The following UGT2B11 variants were observed in gnomAD, a reference collection of about 807,000 sequenced individuals.
UGT2B11 encodes the protein UDP-glucuronosyltransferase 2B11.
Under a neutral mutation model 51.7 loss-of-function variants are expected in UGT2B11, and 49 were observed. That is an observed-to-expected ratio of 0.95 (90% CI 0.75 to 1.20). The LOEUF is 1.20. Ranked by LOEUF, UGT2B11 falls within the 50% of genes most tolerant of loss-of-function variation. The probability of loss-of-function intolerance (pLI) is 0.00; values close to 1 mark genes in which losing one functional copy is unlikely to be tolerated. For missense variants in UGT2B11, 810 were observed against 622.1 expected (o/e 1.30, Z -3.21); for synonymous variants, 273 against 209.0 (o/e 1.31, Z -2.64).
At chr4:69,204,787 A>T (rs1342990824) in intron 4 of UGT2B11, 138 bp from the exon 5 acceptor site, 5 of 1,361,686 alleles carry the variant, frequency 3.7e-6, no homozygotes. Flanking sequence ...CAGATGAAAA[A>T]GCACGTACTT....
chr4:69,205,011 G>C (rs1282178316), intron 4 of UGT2B11, among the ~76,000 whole-genome samples: 1 of 151,674 alleles, frequency 6.6e-6, no homozygotes, highest in African/African-American at 2.4e-5. Context: ...CAGGCAGTGG[G>C]TTGGTGGTGG....
At chr4:69,209,318 A>G (rs1370545371) in intron 2 of UGT2B11, among the ~76,000 whole-genome samples, 1 of 151,692 alleles carries the variant, frequency 6.6e-6, no homozygotes, top group Non-Finnish European at 1.5e-5. Flanking sequence ...AACTCTCATC[A>G]TCACTTTGTT....
intron 3 of UGT2B11, among the ~76,000 whole-genome samples, chr4:69,208,099 G>A (rs920491846): frequency 2.6e-5 from 4 of 151,504 alleles, no homozygotes; most frequent in African/African-American, 7.3e-5. Context: ...TACCTACGGA[G>A]TACTGAGTTC....
At chr4:69,221,208 G>C in the UGT2B11 span, among the ~76,000 whole-genome samples, 5 of 152,224 alleles carry the variant, frequency 3.3e-5, no homozygotes, top group Admixed American at 6.5e-5. Context: ...ATGCCTTAAG[G>C]TAGACAGGTG....
At chr4:69,213,938 A>T (rs921355871) in intron 1 of UGT2B11, 64 bp downstream of exon 1, 36 of 1,487,420 alleles carry the variant, frequency 2.4e-5, no homozygotes, top group Middle Eastern at 1.8e-4. Flanking sequence ...TGGCTTTATA[A>T]AAGCTCTGCT....
At chr4:69,202,848 A>T (rs942052672) in intron 5 of UGT2B11, among the ~76,000 whole-genome samples, 3 of 151,594 alleles carry the variant, frequency 2.0e-5, no homozygotes, top group African/African-American at 7.3e-5. Context: ...ATCATTCGTT[A>T]TCCTTCCATT....
At position 69,204,252 on chromosome 4, in the gene UGT2B11, G is replaced by A. The variant is rs1721765191; in HGVS notation, c.1310+178C>T. 6.9e-6 allele frequency: 7 copies of A among 1,008,778 alleles called. No homozygotes were observed. In the South Asian group the frequency reaches 1.4e-4, roughly 21 times the overall value. The allele number at this position is 1,008,778 out of a possible 1,614,324, so 62.5% of individuals were successfully genotyped here. Reference sequence around the variant, plus strand: ...CTAACTGGTTACTCATTAGATGTATGGGATTCAAACACAATTTTTAAATAA... The same window carrying A: ...CTAACTGGTTACTCATTAGATGTATAGGATTCAAACACAATTTTTAAATAA... On this transcript the variant is annotated intron_variant, in intron 5 of 5. Transcript: ENST00000446444.
Position 69,206,573 on chromosome 4 carries a change from T to C in UGT2B11, c.1003-1006A>G, listed in dbSNP as rs572148750. On this transcript the variant is annotated intron_variant, in intron 3 of 5. Transcript: ENST00000446444. ...ACACAATCAGTACAACAAACCCCCA[T>C]GACACAAGTTTACCTATGTAAAAAA... Among the ~76,000 whole-genome samples, 10 of 151,398 alleles carry C rather than the reference T, an allele frequency of 6.6e-5. No homozygotes were observed. The East Asian group carries it at 9.8e-4, about 15-fold the overall frequency.
At chr4:69,213,035 G>T (rs1162303355) in intron 1 of UGT2B11, among the ~76,000 whole-genome samples, 1 of 151,190 alleles carries the variant, frequency 6.6e-6, no homozygotes, top group Non-Finnish European at 1.5e-5. Flanking sequence ...AGCTTCAATA[G>T]TTGCATATAG....
intron 2 of UGT2B11, among the ~76,000 whole-genome samples, chr4:69,209,790 C>T (rs571908311): frequency 6.6e-6 from 1 of 151,544 alleles, no homozygotes; most frequent in South Asian, 2.1e-4. Flanking sequence ...ATATCAGAGC[C>T]TTGTTTTTCT....
At chr4:69,200,837 CAGAGA>C in intron 5 of UGT2B11, 118 bp from the exon 6 acceptor site, 3 of 1,234,126 alleles carry the variant, frequency 2.4e-6, no homozygotes, top group Non-Finnish European at 3.2e-6. Context: ...AAAGAATTGA[CAGAGA>C]ATTTGTGTAT....
chr4:69,214,008 C>G lies in UGT2B11; in HGVS notation c.715G>C (p.Val239Leu). ...CGATTAAACAAATTCTTACCTAAAA[C>G]TTCACTGTAAAACTGATCCCACTTC... ...MKKWDQFYSE[V>L]LGRPTTLFET... The change falls in exon 1 of 6, where the codon GTT (valine) becomes CTT (leucine). Residue 239 changes from valine (V) to leucine (L), a missense_variant. Transcript: ENST00000446444. 1 of 1,561,906 alleles carries G rather than the reference C, an allele frequency of 6.4e-7. No individual in the cohort carries two copies.
chr4:69,200,311 A>ATTT lies in UGT2B11; in HGVS notation c.*128_*129insAAA, dbSNP rs1560534651. ...TTTTACTTGACAAGGTAGATTTGAA[A>ATTT]ATTTTTTTTTTTTTTTTTTTTTTGT... On this transcript the variant is annotated 3_prime_UTR_variant, in exon 6 of 6. Transcript: ENST00000446444. The ATTT allele has an allele frequency of 9.0e-6, 9 of 1,000,186 alleles. No individual in the cohort carries two copies. The highest frequency in any genetic ancestry group is 5.6e-5 in the African/African-American group (3 of 53,568). The allele number at this position is 1,000,186 out of a possible 1,614,324, so 62.0% of individuals were successfully genotyped here. A position where few individuals can be genotyped will look rare whatever the true frequency, so the allele number is the denominator to read the frequency against.
At chr4:69,206,527 A>G (rs1203310257) in intron 3 of UGT2B11, among the ~76,000 whole-genome samples, 1 of 151,630 alleles carries the variant, frequency 6.6e-6, no homozygotes, top group East Asian at 1.9e-4. Context: ...AACGAATATT[A>G]GTCTTAATAC....
chr4:69,221,852 C>T, the UGT2B11 span, among the ~76,000 whole-genome samples: 1 of 152,246 alleles, frequency 6.6e-6, no homozygotes. Context: ...TTGCCCCAGG[C>T]ACACTCAGTC....
chr4:69,200,418 C>T lies in UGT2B11; in HGVS notation c.*22G>A. The T allele has an allele frequency of 6.3e-7, 1 of 1,587,998 alleles. No individual in the cohort carries two copies. Among genetic ancestry groups the T allele is most frequent in the Non-Finnish European group, 8.6e-7 (1 of 1,165,898 alleles). On this transcript the variant is annotated 3_prime_UTR_variant, in exon 6 of 6. Transcript: ENST00000446444. ...AAGTTGTCCTATCTATCTGGTTTTCCAGCTTCAAATGTCAGACATAACTAA... is the reference window on the plus strand; with the variant it reads ...AAGTTGTCCTATCTATCTGGTTTTCTAGCTTCAAATGTCAGACATAACTAA...
chr4:69,208,726 G>A (rs537939692), intron 2 of UGT2B11, among the ~76,000 whole-genome samples: 1 of 151,610 alleles, frequency 6.6e-6, no homozygotes, highest in Non-Finnish European at 1.5e-5. Context: ...GTGTGTAATG[G>A]AGGAAAGAAA....
intron 2 of UGT2B11, among the ~76,000 whole-genome samples, chr4:69,210,803 C>A (rs941148248): frequency 2.0e-5 from 3 of 151,586 alleles, no homozygotes; most frequent in Non-Finnish European, 4.4e-5. Context: ...AATAAAATTT[C>A]AGTTTTATGT....
At position 69,214,627 on chromosome 4, in the gene UGT2B11, T is replaced by C. The variant is rs190063418; in HGVS notation, c.96A>G (p.Glu32=). The C allele has an allele frequency of 1.2e-5, 19 of 1,613,146 alleles. No individual in the cohort carries two copies. In the African/African-American group the frequency reaches 1.2e-4, roughly 10 times the overall value. The change falls in exon 1 of 6, where the codon GAA becomes GAG. Residue 32 remains glutamate, a synonymous_variant. Coordinates refer to ENST00000446444, the MANE Select transcript of UGT2B11 (RefSeq NM_001073.3). ...TCTTCATATTCATCCAATGGCTGTA[T>C]TCTGCGGCCCACACCAGCACTTTTC... is the stretch of plus-strand genomic sequence containing the variant. ...SCGKVLVWAA[E]YSHWMNMKTI...
Sources: allele counts gnomAD v4.1 joint callset (sites outside exome capture counted in the v4.1 genomes callset), GRCh38; gene constraint gnomAD v4.1.1; transcripts MANE v1.5; gene names NCBI Gene and HGNC (gene_info 2026-07-23, HGNC 2026-07-21).